The following FOCAD variants were observed in gnomAD, a reference collection of about 807,000 sequenced individuals.
FOCAD encodes the protein KIAA1797.
A neutral mutation model predicts 225.6 loss-of-function variants in FOCAD; 198 were observed. The observed-to-expected ratio is 0.88, with a 90% confidence interval of 0.78 to 0.99. The LOEUF is 0.99. Among genes scored for constraint, FOCAD ranks in the 50% least tolerant of loss-of-function variants. The pLI is 0.00. For synonymous variants in FOCAD, 897 were observed against 755.0 expected (o/e 1.19, Z -3.08); for missense variants, 2,713 against 2,123.6 (o/e 1.28, Z -5.46).
At chr9:20,813,285 C>T (rs1280371469) in intron 11 of FOCAD, among the ~76,000 whole-genome samples, 1 of 152,000 alleles carries the variant, frequency 6.6e-6, no homozygotes, top group African/African-American at 2.4e-5. Flanking sequence ...AGGTTGTTTC[C>T]ATCTCTTGAG....
At chr9:20,793,362 G>T (rs1385710759) in intron 11 of FOCAD, among the ~76,000 whole-genome samples, 1 of 152,158 alleles carries the variant, frequency 6.6e-6, no homozygotes, top group African/African-American at 2.4e-5. Flanking sequence ...GCTTTCAGCT[G>T]GCATTTGATC....
chr9:20,973,056 T>C (rs1243769048), intron 35 of FOCAD, among the ~76,000 whole-genome samples: 1 of 152,092 alleles, frequency 6.6e-6, no homozygotes, highest in Non-Finnish European at 1.5e-5. Context: ...GTTCCTGTGC[T>C]TCTTCTTTCT....
upstream of FOCAD, among the ~76,000 whole-genome samples, chr9:20,681,258 T>C (rs191873765): frequency 7.9e-5 from 12 of 152,318 alleles, no homozygotes; most frequent in East Asian, 2.3e-3. Flanking sequence ...AGAAAACTTC[T>C]ATTTTCTTTT....
At chr9:20,861,117 A>T (rs1270995841) in intron 15 of FOCAD, among the ~76,000 whole-genome samples, 1 of 152,130 alleles carries the variant, frequency 6.6e-6, no homozygotes, top group Non-Finnish European at 1.5e-5. Flanking sequence ...CCATTGACTT[A>T]TTATCCTCCA....
At chr9:20,694,541 C>G (rs990859117) in intron 1 of FOCAD, 1 of 152,098 alleles carries the variant, frequency 6.6e-6, no homozygotes, top group African/African-American at 2.4e-5. Context: ...AATTTCCATC[C>G]ACACAGATTA....
intron 11 of FOCAD, among the ~76,000 whole-genome samples, chr9:20,803,336 C>T (rs1174555733): frequency 6.6e-6 from 1 of 152,098 alleles, no homozygotes; most frequent in Non-Finnish European, 1.5e-5. Flanking sequence ...TCTCTCTCCC[C>T]AGTCCAGCTT....
intron 1 of FOCAD, among the ~76,000 whole-genome samples, chr9:20,685,703 GCTTA>G (rs1261555322): frequency 1.3e-5 from 2 of 152,044 alleles, no homozygotes; most frequent in Non-Finnish European, 2.9e-5. Context: ...TTGATTATTT[GCTTA>G]CTTAATCAAT....
At position 20,881,922 on chromosome 9, in the gene FOCAD, C is replaced by G. The variant is rs148438998; in HGVS notation, c.2369C>G (p.Pro790Arg). 3.3e-5 allele frequency: 53 copies of G among 1,613,586 alleles called. No homozygotes were observed. In the African/African-American group the frequency reaches 5.5e-4, roughly 17 times the overall value. The change falls in exon 20 of 44, where the codon CCT (proline) becomes CGT (arginine). Residue 790 changes from proline to arginine, a missense_variant. Physicochemically the swap from Pro to Arg is moderately radical, Grantham distance 103. Coordinates refer to ENST00000338382, the MANE Select transcript of FOCAD (RefSeq NM_001375567.1). Reference sequence around the variant, plus strand: ...GTGAAGCAAGAAATGGTGAATATGCCTCGTGGGATATATCACTCTGCATTA... The same window carrying G: ...GTGAAGCAAGAAATGGTGAATATGCGTCGTGGGATATATCACTCTGCATTA... The part of the protein sequence containing the change: ...SLVKQEMVNM[P>R]RGIYHSALKG...
chr9:20,801,086 G>C (rs1242241230), intron 11 of FOCAD, among the ~76,000 whole-genome samples: 1 of 152,112 alleles, frequency 6.6e-6, no homozygotes, highest in Non-Finnish European at 1.5e-5. Flanking sequence ...CTCAACTTCA[G>C]GTGCGTTGGA....
chr9:20,887,299 A>G (rs998047303), intron 21 of FOCAD, among the ~76,000 whole-genome samples: 1 of 151,544 alleles, frequency 6.6e-6, no homozygotes, highest in African/African-American at 2.4e-5. Flanking sequence ...CAATGGTGCA[A>G]TCTCGGCTCA....
chr9:20,986,283 T>TTTTTTTTTTG lies in FOCAD; in HGVS notation c.4729-5_4729-4insTTTTTTTTTG, dbSNP rs1841157107. 1 of 1,475,884 alleles carries TTTTTTTTTTG rather than the reference T, an allele frequency of 6.8e-7. No individual in the cohort carries two copies. The highest frequency in any genetic ancestry group is 1.5e-5 in the African/African-American group (1 of 68,902). 91.4% of individuals were successfully genotyped at this position (1,475,884 alleles called of 1,614,324 possible). A position where few individuals can be genotyped will look rare whatever the true frequency, so the allele number is the denominator to read the frequency against. On this transcript the variant is annotated splice_region_variant and splice_polypyrimidine_tract_variant and intron_variant, in intron 39 of 43. Coordinates refer to ENST00000338382, the MANE Select transcript of FOCAD (RefSeq NM_001375567.1). ...ACTAAACAATTTTTTTTTTTTTTTTTGCAGAGCAACATAGAAAAAGCTGCC... is the reference window on the plus strand; with the variant it reads ...ACTAAACAATTTTTTTTTTTTTTTTTTTTTTTTTTGGCAGAGCAACATAGAAAAAGCTGCC...
intron 2 of FOCAD, among the ~76,000 whole-genome samples, chr9:20,660,218 GTTAACAC>G (rs1301410426): frequency 6.6e-6 from 1 of 152,172 alleles, no homozygotes; most frequent in East Asian, 1.9e-4. Flanking sequence ...AGTAGTTATG[GTTAACAC>G]TTAACCTAGG....
intron 39 of FOCAD, among the ~76,000 whole-genome samples, chr9:20,983,288 T>G (rs973322743): frequency 2.0e-5 from 3 of 152,086 alleles, no homozygotes; most frequent in Non-Finnish European, 4.4e-5. Context: ...TAAAGAATAT[T>G]TGGGGCCAGG....
At chr9:20,956,187 G>C (rs964693934) in intron 35 of FOCAD, among the ~76,000 whole-genome samples, 2 of 152,110 alleles carry the variant, frequency 1.3e-5, no homozygotes. Context: ...TACCATGAGA[G>C]GTAATTGTTA....
intron 15 of FOCAD, among the ~76,000 whole-genome samples, chr9:20,828,238 A>G (rs956999381): frequency 1.3e-5 from 2 of 151,942 alleles, no homozygotes; most frequent in Non-Finnish European, 2.9e-5. Flanking sequence ...TAGATATATT[A>G]GTTTGCTCCA....
upstream of FOCAD, among the ~76,000 whole-genome samples, chr9:20,656,322 T>C (rs1821474155): frequency 6.6e-6 from 1 of 151,940 alleles, no homozygotes; most frequent in Non-Finnish European, 1.5e-5. Context: ...GTTCAATTCC[T>C]GGGTATCCTT....
At chr9:20,821,317 A>G (rs1237853334) in intron 14 of FOCAD, among the ~76,000 whole-genome samples, 1 of 152,062 alleles carries the variant, frequency 6.6e-6, no homozygotes, top group Admixed American at 6.6e-5. Context: ...TTTCTGATTA[A>G]TAATTTAATA....
At chr9:20,844,493 T>C (rs1021356940) in intron 15 of FOCAD, among the ~76,000 whole-genome samples, 1 of 151,174 alleles carries the variant, frequency 6.6e-6, no homozygotes, top group Non-Finnish European at 1.5e-5. Context: ...CCCGAGTAGC[T>C]GGGACTACAG....
Position 20,712,878 on chromosome 9 carries a change from G to T in FOCAD, c.-32-2444G>T, listed in dbSNP as rs894445007. 5.3e-5 allele frequency among the ~76,000 whole-genome samples: 8 copies of T among 151,506 alleles called. No homozygotes were observed. The South Asian group carries it at 1.7e-3, about 32-fold the overall frequency. On this transcript the variant is annotated intron_variant, in intron 1 of 43. Coordinates refer to ENST00000338382, the MANE Select transcript of FOCAD (RefSeq NM_001375567.1). ...CTCCTGAGTAACTGGGATTATAGGTGCACACCACCACATCTGGCTAATTTT... is the reference window on the plus strand; with the variant it reads ...CTCCTGAGTAACTGGGATTATAGGTTCACACCACCACATCTGGCTAATTTT...
Sources: gnomAD v4.1 joint callset for allele counts (sites outside exome capture counted in the v4.1 genomes callset) on GRCh38, gnomAD v4.1.1 for gene constraint, MANE v1.5 for transcripts, NCBI Gene and HGNC (gene_info 2026-07-23, HGNC 2026-07-21) for gene names.